The following QSER1 variants were observed in gnomAD, a reference collection of about 807,000 sequenced individuals.
QSER1 encodes the protein glutamine and serine-rich protein 1.
QSER1 carries 49 observed loss-of-function variants against 158.5 expected under a neutral mutation model. The observed-to-expected ratio is 0.31, with a 90% CI of 0.25 to 0.39. The LOEUF (loss-of-function observed/expected upper bound fraction) is 0.39. Ranked by LOEUF, QSER1 falls within the 10% of genes least tolerant of loss-of-function variation. The probability of loss-of-function intolerance (pLI) is 1.00; values close to 1 mark genes in which losing one functional copy is unlikely to be tolerated. For synonymous variants in QSER1, 650 were observed against 715.5 expected (o/e 0.91, Z 1.46); for missense variants, 1,754 against 2,010.3 (o/e 0.87, Z 2.44).
chr11:32,918,690 G>A (rs1197816508), intron 1 of QSER1, among the ~76,000 whole-genome samples: 2 of 151,710 alleles, frequency 1.3e-5, no homozygotes, highest in Non-Finnish European at 2.9e-5. Flanking sequence ...GGGGAAGGAG[G>A]GGCAAGAGCA....
At chr11:32,898,953 A>G (rs1478250943) in intron 1 of QSER1, among the ~76,000 whole-genome samples, 2 of 152,192 alleles carry the variant, frequency 1.3e-5, no homozygotes, top group African/African-American at 4.8e-5. Context: ...CTCTCACCCT[A>G]TCCCCACCTC....
intron 1 of QSER1, among the ~76,000 whole-genome samples, chr11:32,897,878 C>G (rs1284067729): frequency 6.6e-6 from 1 of 152,162 alleles, no homozygotes; most frequent in Non-Finnish European, 1.5e-5. Context: ...CTTAGTTGCC[C>G]AGGCCAGATG....
At chr11:32,947,872 G>A (rs980088094) in intron 4 of QSER1, among the ~76,000 whole-genome samples, 1 of 151,970 alleles carries the variant, frequency 6.6e-6, no homozygotes, top group African/African-American at 2.4e-5. Context: ...CCCACTTAAT[G>A]ATTTCTGTTT....
chr11:32,926,543 G>T (rs537536054), intron 1 of QSER1, among the ~76,000 whole-genome samples: 16 of 152,146 alleles, frequency 1.1e-4, no homozygotes, highest in Non-Finnish European at 1.9e-4. Context: ...TTGTATTTTT[G>T]ATTTCTTTCT....
intron 1 of QSER1, among the ~76,000 whole-genome samples, chr11:32,919,712 T>C (rs1487378085): frequency 3.9e-5 from 6 of 152,310 alleles, no homozygotes; most frequent in East Asian, 3.9e-4. Flanking sequence ...GGAGTTATGG[T>C]CTCCCTCCTT....
chr11:32,913,150 T>TTGC (rs2133511839), intron 1 of QSER1, among the ~76,000 whole-genome samples: 1 of 151,686 alleles, frequency 6.6e-6, no homozygotes, highest in East Asian at 1.9e-4. Flanking sequence ...TTCTTTTCTT[T>TTGC]TGCTTTCCCT....
intron 5 of QSER1, among the ~76,000 whole-genome samples, chr11:32,954,937 A>G (rs1160908370): frequency 1.3e-5 from 2 of 152,222 alleles, no homozygotes; most frequent in Admixed American, 6.5e-5. Flanking sequence ...ACAGTTAACT[A>G]CTTTTAATAT....
intron 4 of QSER1, among the ~76,000 whole-genome samples, chr11:32,946,159 C>T (rs1211015708): frequency 6.6e-6 from 1 of 151,508 alleles, no homozygotes; most frequent in African/African-American, 2.4e-5. Flanking sequence ...TCAAAGTTTT[C>T]AACTTCTTTG....
chr11:32,918,079 C>A (rs1464613794), intron 1 of QSER1, among the ~76,000 whole-genome samples: 1 of 152,112 alleles, frequency 6.6e-6, no homozygotes, highest in Admixed American at 6.6e-5. Context: ...TAACAGGATG[C>A]CTGCCCAGTC....
chr11:32,967,496 AAAG>A (rs755215654), intron 9 of QSER1, among the ~76,000 whole-genome samples: 3 of 152,212 alleles, frequency 2.0e-5, no homozygotes, highest in African/African-American at 4.8e-5. Flanking sequence ...AGTTTTTTTT[AAAG>A]AAGAAAATAA....
Position 32,957,862 on chromosome 11 carries a change from A to G in QSER1, c.4752-7A>G. The G allele has an allele frequency of 6.2e-7, 1 of 1,605,226 alleles. No individual in the cohort carries two copies. The highest frequency in any genetic ancestry group is 8.5e-7 in the Non-Finnish European group (1 of 1,175,912). On this transcript the variant is annotated splice_region_variant and splice_polypyrimidine_tract_variant and intron_variant, in intron 7 of 12. Transcript: ENST00000650167. ...TGTGTTAATGAAGTTTGTTTATAACATTGCAGAACTGTTCAAGCTAAGCCA... is the reference window on the plus strand; with the variant it reads ...TGTGTTAATGAAGTTTGTTTATAACGTTGCAGAACTGTTCAAGCTAAGCCA...
chr11:32,950,682 A>G (rs996762142), intron 4 of QSER1, among the ~76,000 whole-genome samples: 1 of 152,192 alleles, frequency 6.6e-6, no homozygotes, highest in Non-Finnish European at 1.5e-5. Context: ...GTCCATTCCC[A>G]TACCCACACC....
chr11:32,905,946 A>AT (rs947011548), intron 1 of QSER1, among the ~76,000 whole-genome samples: 3 of 151,904 alleles, frequency 2.0e-5, no homozygotes, highest in Admixed American at 6.6e-5. Flanking sequence ...ATATGTTATA[A>AT]TTTTTTTTGG....
chr11:32,963,717 T>A (rs1852671647), intron 8 of QSER1, among the ~76,000 whole-genome samples: 1 of 152,116 alleles, frequency 6.6e-6, no homozygotes, highest in Non-Finnish European at 1.5e-5. Flanking sequence ...CAGGCTGGAG[T>A]GCATGGTGTA....
intron 1 of QSER1, among the ~76,000 whole-genome samples, chr11:32,913,760 G>T (rs1851799951): frequency 6.6e-6 from 1 of 152,200 alleles, no homozygotes; most frequent in African/African-American, 2.4e-5. Context: ...ACAACCTGAT[G>T]AAGGTAGGTG....
chr11:32,913,608 A>G (rs576137737), intron 1 of QSER1, among the ~76,000 whole-genome samples: 5 of 152,332 alleles, frequency 3.3e-5, no homozygotes, highest in African/African-American at 1.2e-4. Flanking sequence ...AACACTTGGC[A>G]GTCAGTAAAT....
At chr11:32,924,588 TAAAG>T (rs1851943839) in intron 1 of QSER1, among the ~76,000 whole-genome samples, 2 of 132,330 alleles carry the variant, frequency 1.5e-5, no homozygotes, top group African/African-American at 2.8e-5. Context: ...AAGGAATAAA[TAAAG>T]ACACTGGAAA....
intron 4 of QSER1, among the ~76,000 whole-genome samples, chr11:32,936,844 G>A (rs965253237): frequency 6.6e-6 from 1 of 152,172 alleles, no homozygotes; most frequent in African/African-American, 2.4e-5. Flanking sequence ...TTACGAGACA[G>A]CTGGTATCCA....
At chr11:32,912,118 A>G (rs1851774211) in intron 1 of QSER1, among the ~76,000 whole-genome samples, 2 of 152,170 alleles carry the variant, frequency 1.3e-5, no homozygotes, top group African/African-American at 4.8e-5. Flanking sequence ...AACGATCCCC[A>G]ATTTTTTATT....
Sources: gnomAD v4.1 joint callset for allele counts (sites outside exome capture counted in the v4.1 genomes callset) on GRCh38, gnomAD v4.1.1 for gene constraint, MANE v1.5 for transcripts, NCBI Gene and HGNC (gene_info 2026-07-23, HGNC 2026-07-21) for gene names.